Variants in CNTN4 observed in about 807,000 individuals in gnomAD.
CNTN4 encodes contactin 4.
A neutral mutation model predicts 122.5 loss-of-function variants in CNTN4; 77 were observed. That is an observed-to-expected ratio of 0.63 (90% CI 0.52 to 0.76). The LOEUF is 0.76. Among genes scored for constraint, CNTN4 ranks in the 30% least tolerant of loss-of-function variants. The probability of loss-of-function intolerance (pLI) is 0.00; values close to 1 mark genes in which losing one functional copy is unlikely to be tolerated. For missense variants in CNTN4, 1,256 were observed against 1,259.1 expected, an observed-to-expected ratio of 1.00 and a Z score of 0.04; for synonymous variants, 512 against 447.0, an observed-to-expected ratio of 1.15 and a Z score of -1.83.
At chr3:2,751,413 C>T (rs1015040653) in intron 6 of CNTN4, among the ~76,000 whole-genome samples, 2 of 152,170 alleles carry the variant, frequency 1.3e-5, no homozygotes, top group Non-Finnish European at 1.5e-5. Context: ...CAGCCTGAGA[C>T]TACGCACAGC....
At chr3:2,642,285 A>C (rs1327356138) in intron 4 of CNTN4, among the ~76,000 whole-genome samples, 2 of 152,068 alleles carry the variant, frequency 1.3e-5, no homozygotes, top group South Asian at 2.1e-4. Flanking sequence ...GTCTTGCTAC[A>C]CTCTGCCTGC....
intron 4 of CNTN4, among the ~76,000 whole-genome samples, chr3:2,617,068 G>A (rs1239001419): frequency 1.3e-5 from 2 of 152,122 alleles, no homozygotes; most frequent in Non-Finnish European, 2.9e-5. Context: ...TACCATTCAG[G>A]ACACGGGCAC....
At chr3:2,992,528 AG>A (rs1438977620) in intron 14 of CNTN4, among the ~76,000 whole-genome samples, 1 of 151,820 alleles carries the variant, frequency 6.6e-6, no homozygotes, top group Non-Finnish European at 1.5e-5. Flanking sequence ...GCAGAGTTAA[AG>A]GGGTGGTGGT....
intron 12 of CNTN4, among the ~76,000 whole-genome samples, chr3:2,912,792 T>G (rs1577245615): frequency 6.6e-6 from 1 of 152,316 alleles, no homozygotes; most frequent in East Asian, 1.9e-4. Flanking sequence ...ACCACAAAGA[T>G]AATATCTATA....
chr3:2,568,051 G>A (rs2079252314), intron 3 of CNTN4, among the ~76,000 whole-genome samples: 1 of 152,104 alleles, frequency 6.6e-6, no homozygotes, highest in South Asian at 2.1e-4. Context: ...CTAGCACCGT[G>A]CCTGCCACAT....
At chr3:2,599,337 A>T (rs899341218) in intron 4 of CNTN4, among the ~76,000 whole-genome samples, 1 of 152,206 alleles carries the variant, frequency 6.6e-6, no homozygotes, top group Admixed American at 6.5e-5. Flanking sequence ...AGAATTTAAA[A>T]CTAGTATATC....
chr3:2,746,702 TC>T (rs1222130443), intron 6 of CNTN4, among the ~76,000 whole-genome samples: 2 of 152,216 alleles, frequency 1.3e-5, no homozygotes, highest in Non-Finnish European at 1.5e-5. Context: ...AATATCCAGT[TC>T]CTAATCTATT....
At chr3:2,708,046 G>T (rs536146365) in intron 4 of CNTN4, among the ~76,000 whole-genome samples, 1 of 152,074 alleles carries the variant, frequency 6.6e-6, no homozygotes, top group Non-Finnish European at 1.5e-5. Flanking sequence ...TTCTATTATT[G>T]GTTCTTTTGG....
rs12493948 is a variant in CNTN4 at position 2,942,115 on chromosome 3, C to G, written c.1358+16336C>G. Among the ~76,000 whole-genome samples, 18,778 of 152,242 alleles carry G rather than the reference C, an allele frequency of 0.12. 1,490 individuals carry two copies. Among genetic ancestry groups the G allele is most frequent in the Non-Finnish European group, 0.17 (11,767 of 67,996 alleles). On this transcript the variant is annotated intron_variant, in intron 13 of 24. Coordinates refer to ENST00000418658, the MANE Select transcript of CNTN4 (RefSeq NM_175607.3). ...TCCGTTCACCACTATTTATCCAGCA[C>G]TAGCCCTGGAATACAACTTAGGGCT...
At chr3:2,217,617 T>A (rs1486531889) in intron 2 of CNTN4, among the ~76,000 whole-genome samples, 1 of 152,114 alleles carries the variant, frequency 6.6e-6, no homozygotes, top group Non-Finnish European at 1.5e-5. Flanking sequence ...AAGCTGCAAA[T>A]GACTGTCTTT....
chr3:2,400,232 C>G (rs1342188571), intron 3 of CNTN4, among the ~76,000 whole-genome samples: 2 of 151,252 alleles, frequency 1.3e-5, no homozygotes, highest in East Asian at 3.9e-4. Flanking sequence ...TTAAACAATT[C>G]TAGTATCACA....
intron 2 of CNTN4, among the ~76,000 whole-genome samples, chr3:2,291,809 C>T (rs1418177357): frequency 1.3e-5 from 2 of 152,142 alleles, no homozygotes; most frequent in African/African-American, 4.8e-5. Flanking sequence ...TCTTGGCTCA[C>T]TGCAACCTCC....
chr3:2,817,087 C>T (rs2150213769), intron 6 of CNTN4, among the ~76,000 whole-genome samples: 1 of 152,238 alleles, frequency 6.6e-6, no homozygotes, highest in South Asian at 2.1e-4. Context: ...TAATCTTTCC[C>T]TAAACATGTG....
chr3:2,834,660 A>C (rs1006121799), intron 7 of CNTN4, among the ~76,000 whole-genome samples: 3 of 152,152 alleles, frequency 2.0e-5, no homozygotes, highest in African/African-American at 7.2e-5. Flanking sequence ...TACATGAAGT[A>C]TAGAAATATG....
intron 7 of CNTN4, among the ~76,000 whole-genome samples, chr3:2,845,026 A>T (rs1268136783): frequency 6.6e-6 from 1 of 152,190 alleles, no homozygotes; most frequent in East Asian, 1.9e-4. Flanking sequence ...TTTCACTTAC[A>T]ATTATAAACT....
chr3:2,698,423 T>G (rs2086166204), intron 4 of CNTN4, among the ~76,000 whole-genome samples: 1 of 152,200 alleles, frequency 6.6e-6, no homozygotes, highest in South Asian at 2.1e-4. Flanking sequence ...ATTAAATGAC[T>G]TCATGCGGAC....
chr3:2,525,657 A>T (rs1043074579), intron 3 of CNTN4, among the ~76,000 whole-genome samples: 2 of 152,314 alleles, frequency 1.3e-5, no homozygotes, highest in Admixed American at 1.3e-4. Context: ...AACTTAACAG[A>T]TGCCAAGATT....
At chr3:2,631,157 T>C (rs1056968612) in intron 4 of CNTN4, among the ~76,000 whole-genome samples, 2 of 152,216 alleles carry the variant, frequency 1.3e-5, no homozygotes, top group African/African-American at 4.8e-5. Flanking sequence ...TTCTGACTGC[T>C]AGAAAGCAAA....
intron 2 of CNTN4, among the ~76,000 whole-genome samples, chr3:2,130,049 T>G (rs1481934932): frequency 1.3e-5 from 2 of 152,156 alleles, no homozygotes; most frequent in Non-Finnish European, 2.9e-5. Context: ...TAACTAGTGG[T>G]AAAGTGATAG....
Sources: gnomAD v4.1 joint callset for allele counts (sites outside exome capture counted in the v4.1 genomes callset) on GRCh38, gnomAD v4.1.1 for gene constraint, MANE v1.5 for transcripts, NCBI Gene and HGNC (gene_info 2026-07-23, HGNC 2026-07-21) for gene names.